Variants in ZNF480 observed in about 807,000 individuals in gnomAD.
The protein encoded by ZNF480 is zinc finger protein 480.
ZNF480 carries 15 observed loss-of-function variants against 14.4 expected under a neutral mutation model. The observed-to-expected ratio is 1.04, with a 90% CI of 0.70 to 1.60. ZNF480 has a LOEUF of 1.60. Ranked by LOEUF, ZNF480 falls within the 40% of genes most tolerant of loss-of-function variation. ZNF480 has a pLI of 0.00. For synonymous variants in ZNF480, 218 were observed against 215.5 expected (o/e 1.01, Z -0.10); for missense variants, 593 against 629.7 (o/e 0.94, Z 0.62).
In ZNF480 at chr19:52,323,342, A is replaced by G. The variant is rs1054481409; in HGVS notation, c.*484A>G. The stretch of plus-strand genomic sequence containing the variant: ...TCTATCAAACAAAACTCTGGACCAG[A>G]CAGATTTATAGTTGAAGCCTACGAG... On this transcript the variant is annotated 3_prime_UTR_variant, in exon 5 of 5. Coordinates refer to ENST00000595962, the MANE Select transcript of ZNF480 (RefSeq NM_144684.4). The G allele has an allele frequency of 1.3e-5, 2 of 152,204 alleles. No homozygotes were observed. The highest frequency in any genetic ancestry group is 2.4e-5 in the African/African-American group (1 of 41,350). 9.4% of individuals were successfully genotyped at this position (152,204 alleles called of 1,614,324 possible). A position where few individuals can be genotyped will look rare whatever the true frequency, so the allele number is the denominator to read the frequency against.
intron 2 of ZNF480, 41 bp from the exon 3 acceptor site, chr19:52,314,112 C>A: frequency 6.5e-7 from 1 of 1,527,848 alleles, no homozygotes; most frequent in Non-Finnish European, 8.9e-7. Flanking sequence ...AGATTAATAC[C>A]CTTTACATAT....
intron 1 of ZNF480, chr19:52,297,682 C>A (rs1982473465): frequency 6.4e-6 from 1 of 156,500 alleles, no homozygotes; most frequent in Admixed American, 6.5e-5. Flanking sequence ...CCTACCTTTA[C>A]CCTCCTTGAT....
chr19:52,311,957 G>A (rs531595166), intron 2 of ZNF480, among the ~76,000 whole-genome samples: 7 of 152,162 alleles, frequency 4.6e-5, no homozygotes, highest in African/African-American at 7.2e-5. Context: ...ACCGTGATGC[G>A]TGTTCATGAC....
Position 52,321,819 on chromosome 19 carries a change from T to C in ZNF480, c.569T>C (p.Leu190Pro). ...AATGATTTTGATGATTCTTCATTTC[T>C]CCCACAAGAACAGAAAGTACACCTT... is the stretch of plus-strand genomic sequence containing the variant. ...NRNDFDDSSFLPQEQKVHLRE... is the reference protein window; with the variant it reads ...NRNDFDDSSFPPQEQKVHLRE... Residue 190 changes from leucine to proline, a missense_variant, in exon 5 of 5, where the codon CTC (leucine) becomes CCC (proline). Leu to Pro is a moderately conservative substitution (Grantham distance 98, BLOSUM62 -3). Transcript: ENST00000595962. 1 of 1,613,924 alleles carries C rather than the reference T, an allele frequency of 6.2e-7. No homozygotes were observed. The highest frequency in any genetic ancestry group is 8.5e-7 in the Non-Finnish European group (1 of 1,179,910).
intron 2 of ZNF480, among the ~76,000 whole-genome samples, chr19:52,311,456 G>A (rs952777099): frequency 6.6e-6 from 1 of 152,132 alleles, no homozygotes; most frequent in Non-Finnish European, 1.5e-5. Context: ...GGGATTACAG[G>A]TGGAGCCACC....
chr19:52,325,197 A>G lies in ZNF480; in HGVS notation c.*2339A>G, dbSNP rs1984038489. On this transcript the variant is annotated 3_prime_UTR_variant, in exon 5 of 5. Coordinates refer to ENST00000595962, the MANE Select transcript of ZNF480 (RefSeq NM_144684.4). Reference sequence around the variant, plus strand: ...CGCTAATCATTAAGGAAATGCAATCAAAGCCACAATGAGATACCATCTCAG... The same window carrying G: ...CGCTAATCATTAAGGAAATGCAATCGAAGCCACAATGAGATACCATCTCAG... 1 of 152,254 alleles carries G rather than the reference A, an allele frequency of 6.6e-6. No homozygotes were observed. Among genetic ancestry groups the G allele is most frequent in the Non-Finnish European group, 1.5e-5 (1 of 68,046 alleles). The allele number at this position is 152,254 out of a possible 1,614,324, so 9.4% of individuals were successfully genotyped here. A position where few individuals can be genotyped will look rare whatever the true frequency, so the allele number is the denominator to read the frequency against.
At chr19:52,320,028 G>C (rs187778275) in intron 4 of ZNF480, among the ~76,000 whole-genome samples, 12 of 152,024 alleles carry the variant, frequency 7.9e-5, no homozygotes, top group African/African-American at 2.9e-4. Context: ...ATGTTGGTCA[G>C]GCTGGTCTCA....
intron 1 of ZNF480, among the ~76,000 whole-genome samples, chr19:52,300,095 T>C (rs982790079): frequency 6.6e-6 from 1 of 152,222 alleles, no homozygotes; most frequent in Non-Finnish European, 1.5e-5. Flanking sequence ...GGGGCTGTGC[T>C]CTGCATGGGG....
At chr19:52,304,044 TATAATGA>T (rs1363201148) in intron 2 of ZNF480, among the ~76,000 whole-genome samples, 3 of 152,222 alleles carry the variant, frequency 2.0e-5, no homozygotes, top group African/African-American at 7.2e-5. Context: ...ATATCGTCCA[TATAATGA>T]ATAATATAAC....
At chr19:52,300,696 G>C (rs557866622) in intron 2 of ZNF480, 32 of 809,624 alleles carry the variant, frequency 4.0e-5, no homozygotes, top group East Asian at 3.0e-4. Context: ...CAAGAATAGA[G>C]TGTAAAGTGG....
rs1286493228 is a variant in ZNF480 at position 52,322,002 on chromosome 19, G to T, written c.752G>T (p.Arg251Ile). Residue 251 changes from arginine (R) to isoleucine (I), a missense_variant, in exon 5 of 5, where the codon AGA becomes ATA. Arg to Ile is a moderately conservative substitution (Grantham distance 97, BLOSUM62 -3). Transcript: ENST00000595962. ...SRNSHLAEHC[R>I]IHTGEKPYKC... ...AATTCACACCTTGCAGAACATTGTA[G>T]AATTCATACTGGAGAGAAACCTTAC... is the stretch of plus-strand genomic sequence containing the variant. 2 of 1,612,376 alleles carry T rather than the reference G, an allele frequency of 1.2e-6. No homozygotes were observed. Among genetic ancestry groups the T allele is most frequent in the African/African-American group, 1.3e-5 (1 of 75,004 alleles).
At chr19:52,303,121 T>C (rs1247967922) in intron 2 of ZNF480, among the ~76,000 whole-genome samples, 1 of 152,214 alleles carries the variant, frequency 6.6e-6, no homozygotes, top group Non-Finnish European at 1.5e-5. Context: ...TTAAAAGCAG[T>C]CAGTACCTTA....
chr19:52,300,443 A>T lies in ZNF480; in HGVS notation c.31A>T (p.Arg11Trp). ...GTGTGATGAAAAAGCCCAGAAGAGA[A>T]GGAAGAGGAAAGCAAAGGAGTCAGG... The part of the protein sequence containing the change: MLCDEKAQKR[R>W]KRKAKESGMA... Residue 11 changes from arginine (R) to tryptophan (W), a missense_variant, in exon 2 of 5, where the codon AGG (arginine) becomes TGG (tryptophan). Transcript: ENST00000595962. 1.2e-6 allele frequency: 2 copies of T among 1,613,396 alleles called. No individual in the cohort carries two copies. Among genetic ancestry groups the T allele is most frequent in the Non-Finnish European group, 1.7e-6 (2 of 1,179,788 alleles).
intron 4 of ZNF480, among the ~76,000 whole-genome samples, chr19:52,318,831 G>C (rs1220857902): frequency 2.6e-5 from 4 of 151,656 alleles, no homozygotes; most frequent in African/African-American, 9.7e-5. Context: ...AGTATTTGAG[G>C]GTTTGTTTCT....
In ZNF480 at chr19:52,325,341, C is replaced by A. The variant is rs1314689810; in HGVS notation, c.*2483C>A. 1 of 152,204 alleles carries A rather than the reference C, an allele frequency of 6.6e-6. No individual in the cohort carries two copies. The highest frequency in any genetic ancestry group is 2.4e-5 in the African/African-American group (1 of 41,440). The allele number at this position is 152,204 out of a possible 1,614,324, so 9.4% of individuals were successfully genotyped here. ...CTGCTGGTGGGAATGTAAATTAATT[C>A]AGCCATTGTGGAAAGCACTGCAGCG... is the stretch of plus-strand genomic sequence containing the variant. On this transcript the variant is annotated 3_prime_UTR_variant, in exon 5 of 5. Transcript: ENST00000595962.
chr19:52,302,538 C>G (rs138948120), intron 2 of ZNF480, among the ~76,000 whole-genome samples: 45 of 152,260 alleles, frequency 3.0e-4, no homozygotes, highest in African/African-American at 9.1e-4. Flanking sequence ...AGCTGGAATG[C>G]CCATCACTGC....
chr19:52,305,866 G>A (rs1331569476), intron 2 of ZNF480, among the ~76,000 whole-genome samples: 2 of 152,190 alleles, frequency 1.3e-5, no homozygotes, highest in Non-Finnish European at 2.9e-5. Flanking sequence ...CAAACTTAGA[G>A]TGACACTGAT....
At chr19:52,311,028 A>G (rs940265606) in intron 2 of ZNF480, among the ~76,000 whole-genome samples, 1 of 144,956 alleles carries the variant, frequency 6.9e-6, no homozygotes, top group African/African-American at 2.6e-5. Context: ...AAAAAAAAAG[A>G]TGTATACTGC....
chr19:52,300,484 G>A lies in ZNF480; in HGVS notation c.72G>A (p.Gln24=). 6.2e-7 allele frequency: 1 copy of A among 1,611,878 alleles called. No homozygotes were observed. Among genetic ancestry groups the A allele is most frequent in the East Asian group, 2.2e-5 (1 of 44,884 alleles). ...KAKESGMALP[Q]GHLTFRDVAI... Reference sequence around the variant, plus strand: ...AGGAGTCAGGGATGGCTCTTCCTCAGGTGAGATGATATTCTCGGTGGATTG... The same window carrying A: ...AGGAGTCAGGGATGGCTCTTCCTCAAGTGAGATGATATTCTCGGTGGATTG... The change falls in exon 2 of 5, where the codon CAG becomes CAA. Residue 24 remains glutamine (Q), a splice_region_variant and synonymous_variant. Coordinates refer to ENST00000595962, the MANE Select transcript of ZNF480 (RefSeq NM_144684.4).
Sources: gnomAD v4.1 joint callset for allele counts (sites outside exome capture counted in the v4.1 genomes callset) on GRCh38, gnomAD v4.1.1 for gene constraint, MANE v1.5 for transcripts, NCBI Gene and HGNC (gene_info 2026-07-23, HGNC 2026-07-21) for gene names.